PLPPR5: variants seen among roughly 807,000 people sequenced by gnomAD.
The protein encoded by PLPPR5 is phospholipid phosphatase related 5, also known as phospholipid phosphatase-related protein type 5.
PLPPR5 carries 16 observed loss-of-function variants against 33.9 expected under a neutral mutation model. The observed-to-expected ratio is 0.47, with a 90% CI of 0.32 to 0.72. PLPPR5 has a LOEUF of 0.72. Among genes scored for constraint, PLPPR5 ranks in the 30% least tolerant of loss-of-function variants. The pLI is 0.03. For synonymous variants in PLPPR5, 163 were observed against 150.3 expected (o/e 1.08, Z -0.62); for missense variants, 301 against 406.7 (o/e 0.74, Z 2.23).
chr1:98,919,486 C>T (rs1649471271), intron 4 of PLPPR5, among the ~76,000 whole-genome samples: 1 of 152,126 alleles, frequency 6.6e-6, no homozygotes, highest in Non-Finnish European at 1.5e-5. Flanking sequence ...TATTACAGGC[C>T]AGAGCTGGAG....
intron 3 of PLPPR5, among the ~76,000 whole-genome samples, chr1:98,936,571 TAA>T (rs1403346217): frequency 1.3e-5 from 2 of 152,216 alleles, no homozygotes; most frequent in African/African-American, 4.8e-5. Context: ...TGGGATTGCT[TAA>T]AAGTTTTCCC....
chr1:98,945,256 C>T (rs189018130), intron 3 of PLPPR5, among the ~76,000 whole-genome samples: 202 of 152,134 alleles, frequency 1.3e-3, no homozygotes, highest in Middle Eastern at 3.4e-3. Context: ...AATTAAAATC[C>T]AATAATCAAG....
chr1:98,982,286 C>T (rs920570273), intron 1 of PLPPR5, among the ~76,000 whole-genome samples: 1 of 152,048 alleles, frequency 6.6e-6, no homozygotes, highest in Non-Finnish European at 1.5e-5. Context: ...TTGGACTGAG[C>T]TCCTGCACTA....
At chr1:98,908,448 AGTCAGAAATTT>A (rs1648989533) in intron 5 of PLPPR5, among the ~76,000 whole-genome samples, 1 of 152,234 alleles carries the variant, frequency 6.6e-6, no homozygotes. Context: ...TCCTAGAAAG[AGTCAGAAATTT>A]GTTTCTTGGA....
intron 3 of PLPPR5, among the ~76,000 whole-genome samples, chr1:98,932,264 T>A (rs546521123): frequency 2.5e-3 from 376 of 152,340 alleles, no homozygotes; most frequent in Non-Finnish European, 4.0e-3. Context: ...TTAAATAGGC[T>A]TTTGAAGGCT....
intron 5 of PLPPR5, among the ~76,000 whole-genome samples, chr1:98,907,745 T>C (rs1010623008): frequency 6.6e-6 from 1 of 152,192 alleles, no homozygotes; most frequent in African/African-American, 2.4e-5. Context: ...TGTAGTTTTA[T>C]GTCATCAGTC....
chr1:98,959,697 C>A (rs192541091), intron 1 of PLPPR5, among the ~76,000 whole-genome samples: 1 of 152,104 alleles, frequency 6.6e-6, no homozygotes, highest in Non-Finnish European at 1.5e-5. Flanking sequence ...TTTGTCAGCT[C>A]GGTCCAAGGA....
chr1:98,931,613 G>A (rs1250184185), intron 3 of PLPPR5, among the ~76,000 whole-genome samples: 1 of 152,110 alleles, frequency 6.6e-6, no homozygotes, highest in Non-Finnish European at 1.5e-5. Flanking sequence ...TCAAGCAGAG[G>A]TAAGACTACT....
At chr1:98,976,671 A>G (rs1651867505) in intron 1 of PLPPR5, among the ~76,000 whole-genome samples, 1 of 152,054 alleles carries the variant, frequency 6.6e-6, no homozygotes, top group Non-Finnish European at 1.5e-5. Context: ...TTCAGACTAG[A>G]TTTCGAAGAC....
At chr1:98,975,961 C>A (rs1031186305) in intron 1 of PLPPR5, among the ~76,000 whole-genome samples, 3 of 151,610 alleles carry the variant, frequency 2.0e-5, no homozygotes, top group African/African-American at 4.8e-5. Flanking sequence ...TATATATATA[C>A]TAAGAGTTTA....
intron 3 of PLPPR5, among the ~76,000 whole-genome samples, chr1:98,924,706 C>T (rs1649689178): frequency 6.6e-6 from 1 of 152,168 alleles, no homozygotes; most frequent in East Asian, 1.9e-4. Flanking sequence ...GGCTACATCC[C>T]TGTGAAGTTT....
intron 3 of PLPPR5, among the ~76,000 whole-genome samples, chr1:98,934,993 C>A (rs1233071414): frequency 6.6e-6 from 1 of 152,090 alleles, no homozygotes; most frequent in East Asian, 1.9e-4. Context: ...AATCCAGGGG[C>A]TTCTAAACCA....
chr1:98,922,099 T>A, intron 3 of PLPPR5, 41 bp from the exon 4 acceptor site: 1 of 1,569,768 alleles, frequency 6.4e-7, no homozygotes, highest in Non-Finnish European at 8.7e-7. Context: ...CATGAAGGTA[T>A]TTCCTTTATT....
intron 3 of PLPPR5, among the ~76,000 whole-genome samples, chr1:98,939,049 A>AAT (rs2101188711): frequency 6.6e-6 from 1 of 152,194 alleles, no homozygotes; most frequent in East Asian, 1.9e-4. Flanking sequence ...TGGGTGATGA[A>AAT]ATAATTTAGA....
rs374664551 is a variant in PLPPR5, at chr1:98,895,251, C to T, written c.934-2147G>A. 7.7e-4 allele frequency among the ~76,000 whole-genome samples: 117 copies of T among 152,072 alleles called. 5 individuals are homozygous for T. In the South Asian group the frequency reaches 0.023, roughly 30 times the overall value. ...TTTGTTATAAAAAAGCAAGTTTAGTCCCCTTCTCTCTCGTTCCCTCTTTTT... is the reference window on the plus strand; with the variant it reads ...TTTGTTATAAAAAAGCAAGTTTAGTTCCCTTCTCTCTCGTTCCCTCTTTTT... On this transcript the variant is annotated intron_variant, in intron 5 of 5. Coordinates refer to ENST00000263177, the MANE Select transcript of PLPPR5 (RefSeq NM_001037317.2).
At chr1:98,906,476 T>C (rs1648907185) in intron 5 of PLPPR5, among the ~76,000 whole-genome samples, 1 of 152,052 alleles carries the variant, frequency 6.6e-6, no homozygotes, top group Admixed American at 6.6e-5. Context: ...CAGCAGTACT[T>C]GTCTGGAAAA....
chr1:98,974,037 C>T (rs914675498), intron 1 of PLPPR5, among the ~76,000 whole-genome samples: 3 of 151,538 alleles, frequency 2.0e-5, no homozygotes, highest in Admixed American at 1.3e-4. Context: ...CTTAAAGCCG[C>T]GGGAAAGCAA....
chr1:98,925,764 G>A (rs1035342573), intron 3 of PLPPR5, among the ~76,000 whole-genome samples: 4 of 152,186 alleles, frequency 2.6e-5, no homozygotes, highest in African/African-American at 7.2e-5. Context: ...CTTCAAAGAG[G>A]AGGCATCTAT....
At chr1:98,894,152 C>A (rs1570674784) in intron 5 of PLPPR5, among the ~76,000 whole-genome samples, 1 of 152,000 alleles carries the variant, frequency 6.6e-6, no homozygotes, top group Non-Finnish European at 1.5e-5. Flanking sequence ...CCACTTAATA[C>A]TAGAAAAAAA....
Sources: allele counts gnomAD v4.1 joint callset (sites outside exome capture counted in the v4.1 genomes callset), GRCh38; gene constraint gnomAD v4.1.1; transcripts MANE v1.5; gene names NCBI Gene and HGNC (gene_info 2026-07-23, HGNC 2026-07-21).